PLCB1: variants seen among roughly 807,000 people sequenced by gnomAD.
The protein encoded by PLCB1 is 1-phosphatidylinositol 4,5-bisphosphate phosphodiesterase beta-1.
A neutral mutation model predicts 161.8 loss-of-function variants in PLCB1; 46 were observed. The observed-to-expected ratio is 0.28, with a 90% CI of 0.22 to 0.36. The LOEUF is 0.36. Among genes scored for constraint, PLCB1 ranks in the 10% least tolerant of loss-of-function variants. The probability of loss-of-function intolerance (pLI) is 1.00; values close to 1 mark genes in which losing one functional copy is unlikely to be tolerated. For missense variants in PLCB1, 1,016 were observed against 1,472.5 expected (o/e 0.69, Z 5.07); for synonymous variants, 517 against 503.7 (o/e 1.03, Z -0.35).
intron 31 of PLCB1, among the ~76,000 whole-genome samples, chr20:8,863,280 C>G (rs1987316914): frequency 6.6e-6 from 1 of 152,210 alleles, no homozygotes; most frequent in Non-Finnish European, 1.5e-5. Flanking sequence ...TAAACCCACA[C>G]CTGCATCTGA....
At chr20:8,322,005 A>G (rs942936533) in intron 2 of PLCB1, among the ~76,000 whole-genome samples, 1 of 152,160 alleles carries the variant, frequency 6.6e-6, no homozygotes, top group Non-Finnish European at 1.5e-5. Flanking sequence ...ACTAGTTACT[A>G]AGGGATTTGA....
At chr20:8,822,476 C>A (rs1985481213) in intron 31 of PLCB1, among the ~76,000 whole-genome samples, 1 of 152,040 alleles carries the variant, frequency 6.6e-6, no homozygotes, top group Non-Finnish European at 1.5e-5. Context: ...GCTAAGTTGC[C>A]AAAATACTGT....
At chr20:8,510,489 G>A (rs1371586629) in intron 3 of PLCB1, among the ~76,000 whole-genome samples, 3 of 150,194 alleles carry the variant, frequency 2.0e-5, no homozygotes, top group Admixed American at 2.0e-4. Flanking sequence ...AGGTTCAAGC[G>A]ATTCTCCTGC....
At position 8,166,581 on chromosome 20, in the gene PLCB1, C is replaced by A. The variant is rs1600211320; in HGVS notation, c.177+16210C>A. On this transcript the variant is annotated intron_variant, in intron 2 of 31. Coordinates refer to ENST00000338037, the MANE Select transcript of PLCB1 (RefSeq NM_015192.4). ...CATATCACCTTCCAATACCCTGTTC[C>A]TGAGATACCGGAAAGCAAACATTTC... Among the ~76,000 whole-genome samples, 4 of 152,228 alleles carry A rather than the reference C, an allele frequency of 2.6e-5. No homozygotes were observed. The East Asian group carries it at 7.7e-4, about 29-fold the overall frequency.
At chr20:8,248,907 A>C (rs1981010137) in intron 2 of PLCB1, 1 of 151,958 alleles carries the variant, frequency 6.6e-6, no homozygotes, top group Non-Finnish European at 1.5e-5. Context: ...ATATAGGACT[A>C]TTCCTCCTAA....
At position 8,381,584 on chromosome 20, in the gene PLCB1, TG is replaced by T. The variant is rs776269099; in HGVS notation, c.246+10136del. 2.6e-3 allele frequency among the ~76,000 whole-genome samples: 396 copies of T among 152,356 alleles called. 2 individuals are homozygous for T. The highest frequency in any genetic ancestry group is 4.5e-3 in the Admixed American group (69 of 15,312). ...AATCCATCTCATGCTGTGCTTTTTT[TG>T]GTTGGTAGGCTATTAATTACTGCCT... On this transcript the variant is annotated intron_variant, in intron 3 of 31. Coordinates refer to ENST00000338037, the MANE Select transcript of PLCB1 (RefSeq NM_015192.4).
chr20:8,381,830 C>T lies in PLCB1; in HGVS notation c.246+10380C>T, dbSNP rs180956303. Among the ~76,000 whole-genome samples, 465 of 152,212 alleles carry T rather than the reference C, an allele frequency of 3.1e-3. 2 individuals are homozygous for T. Among genetic ancestry groups the T allele is most frequent in the Non-Finnish European group, 5.0e-3 (339 of 68,008 alleles). The stretch of plus-strand genomic sequence containing the variant: ...TTTAGTGTGTCCATTTGATTCTTCT[C>T]TCTTTTCTTCTTTATTAGTCTAGCC... On this transcript the variant is annotated intron_variant, in intron 3 of 31. Transcript: ENST00000338037.
At chr20:8,866,135 A>C (rs758934330) in intron 31 of PLCB1, among the ~76,000 whole-genome samples, 3 of 152,234 alleles carry the variant, frequency 2.0e-5, no homozygotes, top group Non-Finnish European at 2.9e-5. Context: ...CTGACTTTTC[A>C]TTCCAAACCC....
intron 3 of PLCB1, among the ~76,000 whole-genome samples, chr20:8,608,431 C>G (rs539392891): frequency 6.6e-6 from 1 of 152,260 alleles, no homozygotes; most frequent in Admixed American, 6.5e-5. Flanking sequence ...TGGAAATCAA[C>G]TCTGGCTTCA....
chr20:8,159,786 G>C (rs959310166), intron 2 of PLCB1, among the ~76,000 whole-genome samples: 1 of 151,692 alleles, frequency 6.6e-6, no homozygotes. Flanking sequence ...TTGGGAGTTC[G>C]GAACCAGCCT....
chr20:8,287,588 C>G (rs1258984689), intron 2 of PLCB1, among the ~76,000 whole-genome samples: 1 of 152,130 alleles, frequency 6.6e-6, no homozygotes, highest in Non-Finnish European at 1.5e-5. Context: ...CAGGCATGTT[C>G]CCCGCATTCA....
At chr20:8,539,642 T>C (rs1381385562) in intron 3 of PLCB1, among the ~76,000 whole-genome samples, 2 of 66,968 alleles carry the variant, frequency 3.0e-5, no homozygotes, top group African/African-American at 1.2e-4. Context: ...CTTTCTTTCT[T>C]TCTTTCTTTC....
chr20:8,181,230 T>A (rs1179461281), intron 2 of PLCB1, among the ~76,000 whole-genome samples: 2 of 117,192 alleles, frequency 1.7e-5, no homozygotes, highest in East Asian at 2.4e-4. Flanking sequence ...GCCTGGCCGA[T>A]AGAATGAGAC....
chr20:8,535,519 A>T (rs1014035273), intron 3 of PLCB1, among the ~76,000 whole-genome samples: 5 of 152,160 alleles, frequency 3.3e-5, no homozygotes, highest in African/African-American at 4.8e-5. Flanking sequence ...AATTATAATC[A>T]TGAAAAAGGA....
chr20:8,472,622 T>A (rs1982103129), intron 3 of PLCB1, among the ~76,000 whole-genome samples: 1 of 151,924 alleles, frequency 6.6e-6, no homozygotes, highest in East Asian at 1.9e-4. Context: ...GGTGGGAGGA[T>A]TACTTGAGCC....
intron 3 of PLCB1, among the ~76,000 whole-genome samples, chr20:8,507,213 C>G (rs552891156): frequency 6.6e-6 from 1 of 152,046 alleles, no homozygotes; most frequent in Admixed American, 6.6e-5. Flanking sequence ...GTTGAGTAGG[C>G]CATGGAGGAG....
At position 8,301,800 on chromosome 20, in the gene PLCB1, T is replaced by C. The variant is rs1255995948; in HGVS notation, c.178-69582T>C. Among the ~76,000 whole-genome samples, 22 of 152,344 alleles carry C rather than the reference T, an allele frequency of 1.4e-4. No individual in the cohort carries two copies. The East Asian group carries it at 1.7e-3, about 12-fold the overall frequency. ...TCGGGAAATAATTGGAGTTGTGCCT[T>C]GAGTTTGCACGGCAATATGCCAGGA... On this transcript the variant is annotated intron_variant, in intron 2 of 31. Coordinates refer to ENST00000338037, the MANE Select transcript of PLCB1 (RefSeq NM_015192.4).
intron 31 of PLCB1, among the ~76,000 whole-genome samples, chr20:8,821,800 T>C (rs1329164329): frequency 6.6e-6 from 1 of 151,970 alleles, no homozygotes; most frequent in Non-Finnish European, 1.5e-5. Flanking sequence ...AGTAGGCGTC[T>C]ACACAGCCTG....
At chr20:8,647,186 T>G (rs1989192752) in intron 5 of PLCB1, among the ~76,000 whole-genome samples, 1 of 152,222 alleles carries the variant, frequency 6.6e-6, no homozygotes, top group South Asian at 2.1e-4. Flanking sequence ...GTCTTTGATT[T>G]TATCATCCTT....
Sources: gnomAD v4.1 joint callset for allele counts (sites outside exome capture counted in the v4.1 genomes callset) on GRCh38, gnomAD v4.1.1 for gene constraint, MANE v1.5 for transcripts, NCBI Gene and HGNC (gene_info 2026-07-23, HGNC 2026-07-21) for gene names.